Variants in CLIP2 observed in about 807,000 individuals in gnomAD.
CLIP2 encodes the protein CAP-Gly domain-containing linker protein 2.
Under a neutral mutation model 111.7 loss-of-function variants are expected in CLIP2, and 41 were observed. That is an observed-to-expected ratio of 0.37 (90% CI 0.29 to 0.48). The LOEUF (loss-of-function observed/expected upper bound fraction) is 0.48. Among genes scored for constraint, CLIP2 ranks in the 20% least tolerant of loss-of-function variants. CLIP2 has a pLI of 0.99. For synonymous variants in CLIP2, 660 were observed against 644.2 expected, an observed-to-expected ratio of 1.02 and a Z score of -0.37; for missense variants, 1,160 against 1,422.1, an observed-to-expected ratio of 0.82 and a Z score of 2.96.
chr7:74,291,715 T>A (rs1554725399), intron 1 of CLIP2, among the ~76,000 whole-genome samples: 3 of 152,148 alleles, frequency 2.0e-5, no homozygotes, highest in Admixed American at 6.6e-5. Context: ...TCAGCACCCT[T>A]GCTGGTTAGC....
intron 1 of CLIP2, among the ~76,000 whole-genome samples, chr7:74,297,399 C>T (rs1788200461): frequency 6.6e-6 from 1 of 151,972 alleles, no homozygotes; most frequent in African/African-American, 2.4e-5. Flanking sequence ...ATTGCTTGAG[C>T]CTGGGAAGTT....
chr7:74,329,925 G>A (rs1019336029), intron 2 of CLIP2, among the ~76,000 whole-genome samples: 13 of 148,758 alleles, frequency 8.7e-5, no homozygotes, highest in East Asian at 6.1e-4. Flanking sequence ...GATTACAAGC[G>A]CGCGCCACCA....
intron 1 of CLIP2, among the ~76,000 whole-genome samples, chr7:74,297,229 T>C (rs1788195594): frequency 2.0e-5 from 3 of 152,078 alleles, no homozygotes. Context: ...TCCTAGCACT[T>C]TGGGAGGCCA....
chr7:74,381,515 T>G (rs1398153609), intron 11 of CLIP2: 3 of 439,010 alleles, frequency 6.8e-6, no homozygotes, highest in Non-Finnish European at 1.4e-5. Context: ...AGGTCTAAAC[T>G]TCAAATGGTT....
chr7:74,386,660 T>G, intron 12 of CLIP2, 56 bp downstream of exon 12: 3 of 1,399,992 alleles, frequency 2.1e-6, no homozygotes, highest in Non-Finnish European at 2.9e-6. Flanking sequence ...GCCGTGCCAT[T>G]CAGCTGCCAA....
At chr7:74,339,096 C>T in intron 3 of CLIP2, 92 bp downstream of exon 3, 2 of 1,281,286 alleles carry the variant, frequency 1.6e-6, no homozygotes, top group South Asian at 2.9e-5. Context: ...CTGGGCTGGG[C>T]AGGGTGGGGA....
intron 14 of CLIP2, among the ~76,000 whole-genome samples, chr7:74,399,982 G>A (rs532432360): frequency 4.6e-5 from 7 of 151,596 alleles, no homozygotes; most frequent in Non-Finnish European, 7.4e-5. Flanking sequence ...GTGAAACCAC[G>A]TCTCTACTAA....
In CLIP2 at chr7:74,376,725, A is replaced by G; in HGVS notation, c.2324A>G (p.Gln775Arg). 1 of 1,613,100 alleles carries G rather than the reference A, an allele frequency of 6.2e-7. No individual in the cohort carries two copies. Among genetic ancestry groups the G allele is most frequent in the Non-Finnish European group, 8.5e-7 (1 of 1,179,770 alleles). ...DYERLQRAEA[Q>R]GKQEVESLRE... ...GAGCGGCTGCAGCGGGCAGAAGCCC[A>G]GGGCAAACAGGAGGTCGAGAGTTTG... Residue 775 changes from glutamine to arginine, a missense_variant, in exon 10 of 17, where the codon CAG becomes CGG. Transcript: ENST00000223398. The surrounding 1 kb of genome is among the most constrained non-coding windows in gnomAD (Gnocchi z 7.1).
intron 3 of CLIP2, among the ~76,000 whole-genome samples, chr7:74,346,609 G>A (rs940473322): frequency 3.3e-5 from 5 of 151,480 alleles, no homozygotes; most frequent in African/African-American, 1.2e-4. Context: ...TGTAATCCAA[G>A]CTCCTCAGGT....
At chr7:74,385,737 CTTTTTTT>C (rs869087670) in intron 11 of CLIP2, among the ~76,000 whole-genome samples, 2 of 117,724 alleles carry the variant, frequency 1.7e-5, no homozygotes, top group Admixed American at 9.0e-5. Context: ...GTCGGGTCTT[CTTTTTTT>C]TTTTTTTTTT....
chr7:74,316,582 A>G (rs1343774844), intron 1 of CLIP2, among the ~76,000 whole-genome samples: 1 of 145,968 alleles, frequency 6.9e-6, no homozygotes, highest in African/African-American at 2.6e-5. Flanking sequence ...TTCTTTTGAG[A>G]CAAGAGTCTC....
At chr7:74,329,605 G>T (rs1332455725) in intron 2 of CLIP2, among the ~76,000 whole-genome samples, 2 of 152,016 alleles carry the variant, frequency 1.3e-5, no homozygotes, top group Admixed American at 6.6e-5. Flanking sequence ...AACAGCCTGT[G>T]GAGCTATGTT....
chr7:74,312,556 C>G (rs529146127), intron 1 of CLIP2, among the ~76,000 whole-genome samples: 22 of 152,188 alleles, frequency 1.4e-4, no homozygotes, highest in Non-Finnish European at 3.2e-4. Flanking sequence ...CTGACCCAGC[C>G]TAACCAAGCT....
At chr7:74,350,418 G>A (rs1020785627) in intron 3 of CLIP2, among the ~76,000 whole-genome samples, 6 of 151,958 alleles carry the variant, frequency 3.9e-5, no homozygotes, top group Non-Finnish European at 8.8e-5. Context: ...ATATTGCTCA[G>A]GCTGGTCTCA....
In CLIP2 at chr7:74,364,324, C is replaced by CA; in HGVS notation, c.1380+10dup. 1 of 1,612,006 alleles carries CA rather than the reference C, an allele frequency of 6.2e-7. No individual in the cohort carries two copies. Among genetic ancestry groups the CA allele is most frequent in the African/African-American group, 1.3e-5 (1 of 75,028 alleles). ...CCAAGGGAGACCTGGAGGTAACAGT[C>CA]AGAGGCCCCTTCCCTGGGCACACTT... On this transcript the variant is annotated intron_variant, in intron 8 of 16. Transcript: ENST00000223398.
chr7:74,398,187 C>T (rs1791513743), intron 14 of CLIP2, among the ~76,000 whole-genome samples: 1 of 151,730 alleles, frequency 6.6e-6, no homozygotes, highest in Admixed American at 6.6e-5. Flanking sequence ...GGCGAAACCC[C>T]ATCTCTGCTA....
chr7:74,358,394 G>T (rs1386616324), intron 6 of CLIP2, among the ~76,000 whole-genome samples: 3 of 151,632 alleles, frequency 2.0e-5, no homozygotes, highest in African/African-American at 7.3e-5. Flanking sequence ...TAGGGATGGG[G>T]TCATGCTGTG....
chr7:74,354,742 G>T (rs1351346485), intron 4 of CLIP2, among the ~76,000 whole-genome samples: 2 of 152,092 alleles, frequency 1.3e-5, no homozygotes, highest in Non-Finnish European at 2.9e-5. Context: ...TTGCATTCCA[G>T]CCTGGGCAAT....
At chr7:74,384,701 C>G (rs1162634790) in intron 11 of CLIP2, among the ~76,000 whole-genome samples, 3 of 151,914 alleles carry the variant, frequency 2.0e-5, no homozygotes, top group Non-Finnish European at 4.4e-5. Context: ...CTGCCTCGGC[C>G]TCCTGAAGTG....
Sources: gnomAD v4.1 joint callset for allele counts (sites outside exome capture counted in the v4.1 genomes callset) on GRCh38, gnomAD v4.1.1 for gene constraint, Gnocchi (gnomAD v3.1) non-coding constraint, MANE v1.5 for transcripts, NCBI Gene and HGNC (gene_info 2026-07-23, HGNC 2026-07-21) for gene names.